Variants in CAPN13 observed in about 807,000 individuals in gnomAD.
CAPN13 encodes calpain-13.
In CAPN13, 90 loss-of-function variants were observed where a neutral mutation model predicts 98.4. The observed-to-expected ratio is 0.92, with a 90% CI of 0.77 to 1.09. CAPN13 has a LOEUF of 1.09. CAPN13 is among the 50% of genes least tolerant of loss of function. The pLI, the probability that CAPN13 is intolerant of heterozygous loss-of-function variation, is 0.00. For missense variants in CAPN13, 887 were observed against 841.3 expected, an observed-to-expected ratio of 1.05 and a Z score of -0.67; for synonymous variants, 330 against 305.5, an observed-to-expected ratio of 1.08 and a Z score of -0.84.
At chr2:30,731,218 G>A (rs185377350) in intron 21 of CAPN13, 126 bp downstream of exon 21, 3 of 761,578 alleles carry the variant, frequency 3.9e-6, no homozygotes, top group Non-Finnish European at 6.1e-6. Flanking sequence ...TTGGAGGTTG[G>A]GGGGACAGCT....
In CAPN13 at chr2:30,776,156, CA is replaced by C. The variant is rs200185498; in HGVS notation, c.272-112del. The C allele has an allele frequency of 4.9e-6, 3 of 613,496 alleles. No individual in the cohort carries two copies. The South Asian group carries it at 7.5e-5, about 15-fold the overall frequency. 38.0% of individuals were successfully genotyped at this position (613,496 alleles called of 1,614,324 possible). On this transcript the variant is annotated intron_variant, in intron 3 of 22. Transcript: ENST00000295055. ...GCTACACAATTCCTTCTAAATAATG[CA>C]TTTTTTTTTCCTCTGAGAGAGGAGA...
chr2:30,755,498 C>T (rs557788390), intron 8 of CAPN13, among the ~76,000 whole-genome samples: 33 of 152,242 alleles, frequency 2.2e-4, no homozygotes, highest in Non-Finnish European at 3.8e-4. Flanking sequence ...ATTAATGCTG[C>T]CCACTTCGTT....
At chr2:30,733,001 C>T (rs1470595672) in intron 19 of CAPN13, among the ~76,000 whole-genome samples, 1 of 152,196 alleles carries the variant, frequency 6.6e-6, no homozygotes, top group Non-Finnish European at 1.5e-5. Context: ...GAAGGAGATG[C>T]AGTCCTAAGT....
At chr2:30,778,957 G>T (rs1195736876) in intron 2 of CAPN13, among the ~76,000 whole-genome samples, 1 of 151,172 alleles carries the variant, frequency 6.6e-6, no homozygotes, top group Admixed American at 6.6e-5. Flanking sequence ...TGCATGCAGA[G>T]CTCCAAGTAG....
chr2:30,758,273 T>A, intron 7 of CAPN13, 136 bp from the exon 8 acceptor site: 1 of 618,602 alleles, frequency 1.6e-6, no homozygotes, highest in Non-Finnish European at 2.7e-6. Context: ...GAAAAAAAAT[T>A]GAAAGGGAAA....
At chr2:30,738,089 T>C (rs1377567161) in intron 17 of CAPN13, 146 bp downstream of exon 17, 7 of 785,992 alleles carry the variant, frequency 8.9e-6, no homozygotes, top group Non-Finnish European at 1.3e-5. Flanking sequence ...AGTGAGTTAG[T>C]AGAGAATCCC....
intron 22 of CAPN13, among the ~76,000 whole-genome samples, chr2:30,724,784 C>T (rs1030651862): frequency 5.3e-5 from 8 of 152,084 alleles, no homozygotes; most frequent in Non-Finnish European, 1.0e-4. Context: ...TTCCATCTGC[C>T]CTGGGGTGTC....
chr2:30,756,343 T>A (rs1323723634), intron 8 of CAPN13, among the ~76,000 whole-genome samples: 2 of 152,038 alleles, frequency 1.3e-5, no homozygotes, highest in Non-Finnish European at 2.9e-5. Context: ...TATCTAGTGA[T>A]CTCTTCTGAA....
At chr2:30,758,786 CT>C (rs113498040) in intron 7 of CAPN13, among the ~76,000 whole-genome samples, 62,234 of 108,808 alleles carry the variant, frequency 0.57, 15,572 homozygotes, top group African/African-American at 0.64. Context: ...CCCTCCCTCC[CT>C]TTCCTTTCCT....
At chr2:30,770,936 C>T (rs1426097568) in intron 4 of CAPN13, among the ~76,000 whole-genome samples, 1 of 152,120 alleles carries the variant, frequency 6.6e-6, no homozygotes, top group East Asian at 1.9e-4. Flanking sequence ...GGGAAGGTAT[C>T]CCAGACAGGA....
intron 1 of CAPN13, among the ~76,000 whole-genome samples, chr2:30,796,194 G>GTGTGTGTATATATATATA (rs1558347428): frequency 7.9e-6 from 1 of 126,274 alleles, no homozygotes; most frequent in African/African-American, 3.5e-5. Context: ...ACATATATAT[G>GTGTGTGTATATATATATA]TGTGTGTATA....
chr2:30,785,108 A>C (rs17010279), intron 2 of CAPN13, among the ~76,000 whole-genome samples: 16,716 of 152,270 alleles, frequency 0.11, 2,826 homozygotes, highest in African/African-American at 0.37. Flanking sequence ...CATCAGGCAC[A>C]TGTAGATAGG....
intron 20 of CAPN13, 148 bp from the exon 21 acceptor site, chr2:30,731,547 C>A (rs1671096324): frequency 3.1e-6 from 2 of 641,866 alleles, no homozygotes; most frequent in Non-Finnish European, 5.2e-6. Context: ...GTCACCCATC[C>A]TTTTCTCTGT....
chr2:30,800,117 AAAG>A (rs1182775194), intron 1 of CAPN13, among the ~76,000 whole-genome samples: 4 of 11,418 alleles, frequency 3.5e-4, no homozygotes, highest in Non-Finnish European at 5.6e-4. Context: ...AAAAGAAAGA[AAAG>A]AAAGAAAGAA....
At chr2:30,732,398 C>A in intron 20 of CAPN13, 40 bp downstream of exon 20, 1 of 1,610,470 alleles carries the variant, frequency 6.2e-7, no homozygotes, top group South Asian at 1.1e-5. Flanking sequence ...GTTCTTCGGT[C>A]ACTGCCAAGG....
At chr2:30,734,361 A>T in intron 19 of CAPN13, 88 bp downstream of exon 19, 1 of 982,362 alleles carries the variant, frequency 1.0e-6, no homozygotes, top group Non-Finnish European at 1.6e-6. Context: ...ATTGCCTGGC[A>T]CTGTTGTGCC....
At chr2:30,788,405 C>G (rs746852008) in intron 1 of CAPN13, among the ~76,000 whole-genome samples, 1 of 152,174 alleles carries the variant, frequency 6.6e-6, no homozygotes, top group East Asian at 1.9e-4. Flanking sequence ...GCCACAGGAA[C>G]GTAACTGGTG....
intron 7 of CAPN13, among the ~76,000 whole-genome samples, chr2:30,760,247 G>A (rs1455860529): frequency 2.6e-5 from 4 of 152,114 alleles, no homozygotes; most frequent in African/African-American, 7.2e-5. Context: ...CCTAATGCCC[G>A]GCTAATCTTT....
At chr2:30,745,769 C>T in intron 11 of CAPN13, 35 bp from the exon 12 acceptor site, 2 of 1,588,940 alleles carry the variant, frequency 1.3e-6, no homozygotes, top group Non-Finnish European at 1.7e-6. Context: ...GATTTAGGAA[C>T]TCAGACGTAA....
Sources: allele counts gnomAD v4.1 joint callset (sites outside exome capture counted in the v4.1 genomes callset), GRCh38; gene constraint gnomAD v4.1.1; transcripts MANE v1.5; gene names NCBI Gene and HGNC (gene_info 2026-07-23, HGNC 2026-07-21).